The following ME1 variants were observed in gnomAD, a reference collection of about 807,000 sequenced individuals.
The protein encoded by ME1 is malic enzyme 1.
In ME1, 74 loss-of-function variants were observed where a neutral mutation model predicts 66.4. The observed-to-expected ratio is 1.11, with a 90% CI of 0.92 to 1.35. ME1 has a LOEUF of 1.35. ME1 is among the 40% of genes most tolerant of loss of function. The probability of loss-of-function intolerance (pLI) is 0.00; values close to 1 mark genes in which losing one functional copy is unlikely to be tolerated. For missense variants in ME1, 750 were observed against 694.1 expected (o/e 1.08, Z -0.90); for synonymous variants, 251 against 235.6 (o/e 1.07, Z -0.60).
chr6:83,228,601 C>G (rs1790241909), intron 10 of ME1, among the ~76,000 whole-genome samples: 1 of 152,144 alleles, frequency 6.6e-6, no homozygotes, highest in African/African-American at 2.4e-5. Context: ...CAGGTATTAA[C>G]AGGCTGAGTT....
chr6:83,290,804 C>T lies in ME1; in HGVS notation c.704+24506G>A, dbSNP rs568145945. On this transcript the variant is annotated intron_variant, in intron 6 of 13. Transcript: ENST00000369705. ...AACTTGCTTTATGAATCTGGGTGCT[C>T]CTGTATTGGGTGCATATATATTTAG... is the stretch of plus-strand genomic sequence containing the variant. Among the ~76,000 whole-genome samples the T allele has an allele frequency of 4.6e-5, 7 of 152,228 alleles. No homozygotes were observed. In the East Asian group the frequency reaches 1.4e-3, roughly 29 times the overall value.
At chr6:83,356,748 GT>G (rs36084492) in intron 3 of ME1, among the ~76,000 whole-genome samples, 48,775 of 151,140 alleles carry the variant, frequency 0.32, 8,204 homozygotes, top group Middle Eastern at 0.5. Flanking sequence ...ACATAAAATT[GT>G]TTTTTTTTCC....
chr6:83,283,863 A>G (rs1027853732), intron 6 of ME1, among the ~76,000 whole-genome samples: 1 of 152,226 alleles, frequency 6.6e-6, no homozygotes, highest in African/African-American at 2.4e-5. Flanking sequence ...TAAAGCTAGT[A>G]GAAGAAAATA....
intron 3 of ME1, among the ~76,000 whole-genome samples, chr6:83,380,911 C>T (rs183991653): frequency 1.9e-3 from 283 of 152,152 alleles, no homozygotes; most frequent in Middle Eastern, 3.4e-3. Flanking sequence ...TGGAATGGAT[C>T]ACTGCAGTTA....
chr6:83,325,782 C>G (rs756344914), intron 5 of ME1, among the ~76,000 whole-genome samples: 1 of 151,926 alleles, frequency 6.6e-6, no homozygotes, highest in East Asian at 1.9e-4. Context: ...TGAAACTGAC[C>G]ATAGGGCCCA....
chr6:83,361,122 G>A (rs1769000161), intron 3 of ME1, among the ~76,000 whole-genome samples: 1 of 152,184 alleles, frequency 6.6e-6, no homozygotes, highest in Non-Finnish European at 1.5e-5. Flanking sequence ...ACATTATGCT[G>A]ATTGCATCCA....
chr6:83,279,610 G>T (rs369434459), intron 6 of ME1, among the ~76,000 whole-genome samples: 9 of 152,154 alleles, frequency 5.9e-5, no homozygotes, highest in African/African-American at 2.2e-4. Flanking sequence ...AGAAAAAAGA[G>T]AGAGAGAAAA....
intron 7 of ME1, among the ~76,000 whole-genome samples, chr6:83,241,643 A>G (rs1790511576): frequency 6.6e-6 from 1 of 152,180 alleles, no homozygotes; most frequent in African/African-American, 2.4e-5. Flanking sequence ...CAAAAATTTA[A>G]CTTGAACATG....
intron 1 of ME1, among the ~76,000 whole-genome samples, chr6:83,422,441 A>G (rs1219866276): frequency 6.6e-6 from 1 of 152,216 alleles, no homozygotes; most frequent in Non-Finnish European, 1.5e-5. Context: ...TCCAGAATAG[A>G]TTAAAAAATC....
At chr6:83,273,770 C>T (rs1329762951) in intron 6 of ME1, among the ~76,000 whole-genome samples, 3 of 152,074 alleles carry the variant, frequency 2.0e-5, no homozygotes, top group South Asian at 2.1e-4. Flanking sequence ...ATGAAATGAA[C>T]GTTATATGAC....
At chr6:83,225,927 A>G (rs957432301) in intron 11 of ME1, among the ~76,000 whole-genome samples, 1 of 151,460 alleles carries the variant, frequency 6.6e-6, no homozygotes, top group African/African-American at 2.4e-5. Context: ...ACAGTACTGT[A>G]GCTAGCTAAA....
At chr6:83,249,890 T>G (rs972773729) in intron 7 of ME1, among the ~76,000 whole-genome samples, 1 of 152,178 alleles carries the variant, frequency 6.6e-6, no homozygotes, top group Non-Finnish European at 1.5e-5. Flanking sequence ...CTTTTTATCT[T>G]CACTTTCTTC....
intron 6 of ME1, among the ~76,000 whole-genome samples, chr6:83,294,506 G>C (rs1767559337): frequency 6.6e-6 from 1 of 152,092 alleles, no homozygotes; most frequent in Admixed American, 6.6e-5. Context: ...CCAACAAGCA[G>C]AGCCCCCTGC....
intron 6 of ME1, among the ~76,000 whole-genome samples, chr6:83,276,175 A>T (rs569298156): frequency 6.6e-6 from 1 of 152,294 alleles, no homozygotes; most frequent in South Asian, 2.1e-4. Flanking sequence ...CAAATTCACG[A>T]TGCAGTTGGC....
intron 6 of ME1, among the ~76,000 whole-genome samples, chr6:83,257,572 G>C (rs1243569390): frequency 1.3e-5 from 2 of 152,068 alleles, no homozygotes; most frequent in Non-Finnish European, 2.9e-5. Flanking sequence ...TGAAGGGAAC[G>C]TAAACTTTTT....
At chr6:83,403,912 C>T (rs1376721063) in intron 2 of ME1, among the ~76,000 whole-genome samples, 1 of 152,094 alleles carries the variant, frequency 6.6e-6, no homozygotes, top group Non-Finnish European at 1.5e-5. Context: ...CATTGATGGG[C>T]ATTTGGGTTG....
intron 12 of ME1, among the ~76,000 whole-genome samples, chr6:83,222,109 A>G (rs938690397): frequency 1.3e-5 from 2 of 152,202 alleles, no homozygotes; most frequent in Non-Finnish European, 2.9e-5. Context: ...GAAAGAAAAC[A>G]CTGACTACTG....
chr6:83,258,016 AC>A (rs1387540404), intron 6 of ME1, among the ~76,000 whole-genome samples: 3 of 152,058 alleles, frequency 2.0e-5, no homozygotes, highest in Non-Finnish European at 4.4e-5. Flanking sequence ...TCTACTACTT[AC>A]TTGGTTCTGC....
At chr6:83,407,117 T>G (rs1026373283) in intron 2 of ME1, among the ~76,000 whole-genome samples, 4 of 152,078 alleles carry the variant, frequency 2.6e-5, no homozygotes, top group African/African-American at 9.7e-5. Context: ...TCTTTTCAAA[T>G]AGCTGTTGTT....
Sources: gnomAD v4.1 joint callset for allele counts (sites outside exome capture counted in the v4.1 genomes callset) on GRCh38, gnomAD v4.1.1 for gene constraint, MANE v1.5 for transcripts, NCBI Gene and HGNC (gene_info 2026-07-23, HGNC 2026-07-21) for gene names.